The following IL20RB variants were observed in gnomAD, a reference collection of about 807,000 sequenced individuals.
IL20RB encodes interleukin-20 receptor subunit beta.
IL20RB carries 21 observed loss-of-function variants against 33.3 expected under a neutral mutation model. That is an observed-to-expected ratio of 0.63 (90% CI 0.45 to 0.91). The LOEUF (loss-of-function observed/expected upper bound fraction) is 0.91. IL20RB is among the 40% of genes least tolerant of loss of function. The probability of loss-of-function intolerance (pLI) is 0.00; values close to 1 mark genes in which losing one functional copy is unlikely to be tolerated. For missense variants in IL20RB, 345 were observed against 384.8 expected, an observed-to-expected ratio of 0.90 and a Z score of 0.86; for synonymous variants, 147 against 146.8, an observed-to-expected ratio of 1.00 and a Z score of -0.01.
At chr3:136,986,948 G>A (rs2108204697) in intron 3 of IL20RB, among the ~76,000 whole-genome samples, 1 of 152,076 alleles carries the variant, frequency 6.6e-6, no homozygotes, top group South Asian at 2.1e-4. Context: ...CGGCGCGTCT[G>A]GAGTTGTTCG....
intron 6 of IL20RB, among the ~76,000 whole-genome samples, chr3:137,007,387 G>A (rs1942370226): frequency 6.6e-6 from 1 of 152,236 alleles, no homozygotes; most frequent in African/African-American, 2.4e-5. Context: ...GCTATGCCCT[G>A]TCCATAGAGG....
At chr3:136,997,968 C>A (rs746121701) in intron 6 of IL20RB, among the ~76,000 whole-genome samples, 1 of 151,914 alleles carries the variant, frequency 6.6e-6, no homozygotes, top group Non-Finnish European at 1.5e-5. Context: ...CAGGGTTTCA[C>A]CATATTGATC....
rs561728831 is a variant in IL20RB, at chr3:136,988,363, G to A, written c.407-1078G>A. On this transcript the variant is annotated intron_variant, in intron 3 of 6. Transcript: ENST00000329582. ...GGGAAGGTATCCACAAGGGCTGTGG[G>A]CCTCTCTGCTGGGGACCTTGCAATA... is the stretch of plus-strand genomic sequence containing the variant. Among the ~76,000 whole-genome samples the A allele has an allele frequency of 3.9e-5, 6 of 152,308 alleles. No individual in the cohort carries two copies. In the East Asian group the frequency reaches 9.7e-4, roughly 25 times the overall value.
intron 1 of IL20RB, among the ~76,000 whole-genome samples, chr3:136,964,606 A>G (rs1007077483): frequency 1.2e-5 from 1 of 84,078 alleles, no homozygotes; most frequent in Non-Finnish European, 2.2e-5. Context: ...CCTTTGTCAG[A>G]TGAGTAGGTT....
chr3:136,999,970 C>G (rs1942208308), intron 6 of IL20RB, among the ~76,000 whole-genome samples: 1 of 152,034 alleles, frequency 6.6e-6, no homozygotes, highest in South Asian at 2.1e-4. Context: ...CTAATTTCAC[C>G]AGGTGGGTCA....
intron 1 of IL20RB, among the ~76,000 whole-genome samples, chr3:136,961,623 A>G (rs1249408367): frequency 6.6e-6 from 1 of 152,172 alleles, no homozygotes; most frequent in Non-Finnish European, 1.5e-5. Context: ...AACAATTAAC[A>G]TAGTATCCTG....
chr3:136,984,857 G>A (rs996478520), intron 3 of IL20RB, among the ~76,000 whole-genome samples: 11 of 152,210 alleles, frequency 7.2e-5, no homozygotes, highest in Admixed American at 3.3e-4. Context: ...CAGGATCTGG[G>A]GGAGATTAAG....
chr3:136,970,739 G>A (rs1354737462), intron 1 of IL20RB, among the ~76,000 whole-genome samples: 3 of 150,744 alleles, frequency 2.0e-5, no homozygotes, highest in Non-Finnish European at 3.0e-5. Context: ...TGCAACCTCC[G>A]CCTCCCAGGT....
intron 2 of IL20RB, among the ~76,000 whole-genome samples, chr3:136,981,567 T>C (rs1560070102): frequency 6.6e-6 from 1 of 152,170 alleles, no homozygotes; most frequent in African/African-American, 2.4e-5. Context: ...TTATGCCATA[T>C]CTGAAGGACA....
At chr3:137,008,132 T>C (rs1245801612) in intron 6 of IL20RB, among the ~76,000 whole-genome samples, 1 of 152,220 alleles carries the variant, frequency 6.6e-6, no homozygotes, top group Non-Finnish European at 1.5e-5. Flanking sequence ...TGCTGTCACA[T>C]TCTGCTGTAA....
At chr3:137,002,992 A>T (rs528967130) in intron 6 of IL20RB, among the ~76,000 whole-genome samples, 22 of 152,340 alleles carry the variant, frequency 1.4e-4, no homozygotes, top group Admixed American at 2.6e-4. Context: ...ACATATGGCT[A>T]GCCAATTTTC....
chr3:136,987,293 A>G (rs1190465990), intron 3 of IL20RB, among the ~76,000 whole-genome samples: 1 of 151,896 alleles, frequency 6.6e-6, no homozygotes, highest in South Asian at 2.1e-4. Flanking sequence ...CCACCAGATT[A>G]GTTAGATACA....
At chr3:136,973,009 C>T (rs1453262947) in intron 1 of IL20RB, among the ~76,000 whole-genome samples, 1 of 151,990 alleles carries the variant, frequency 6.6e-6, no homozygotes, top group African/African-American at 2.4e-5. Flanking sequence ...TTATTTGTTT[C>T]AAGAAATTTG....
intron 1 of IL20RB, among the ~76,000 whole-genome samples, chr3:136,977,862 T>C (rs1041540296): frequency 6.6e-6 from 1 of 152,166 alleles, no homozygotes; most frequent in Non-Finnish European, 1.5e-5. Flanking sequence ...TGTGGGACTT[T>C]TCTACATGTG....
rs1248382910 is a variant in IL20RB, at chr3:136,995,569, T to C, written c.825+13T>C. The stretch of plus-strand genomic sequence containing the variant: ...CCCAGACACCTTGGTAATAGAGTAG[T>C]TCTTTATTCCTTTCAGTATAACACT... On this transcript the variant is annotated intron_variant, in intron 6 of 6. Coordinates refer to ENST00000329582, the MANE Select transcript of IL20RB (RefSeq NM_144717.4). The C allele has an allele frequency of 6.2e-7, 1 of 1,613,984 alleles. No homozygotes were observed. The highest frequency in any genetic ancestry group is 8.5e-7 in the Non-Finnish European group (1 of 1,179,902).
intron 5 of IL20RB, among the ~76,000 whole-genome samples, chr3:136,995,105 AGTGGTGCCAAGGTAC>A (rs1370885279): frequency 5.9e-5 from 9 of 152,344 alleles, no homozygotes; most frequent in Non-Finnish European, 2.9e-5. Context: ...TCCTCCTGGC[AGTGGTGCCAAGGTAC>A]GTGCTAACAC....
chr3:137,006,587 T>A (rs993945797), intron 6 of IL20RB, among the ~76,000 whole-genome samples: 1 of 152,202 alleles, frequency 6.6e-6, no homozygotes, highest in African/African-American at 2.4e-5. Flanking sequence ...GCATGCGTCA[T>A]GAAGTTCTCG....
intron 1 of IL20RB, among the ~76,000 whole-genome samples, chr3:136,977,599 C>G (rs1941651729): frequency 6.6e-6 from 1 of 152,068 alleles, no homozygotes; most frequent in African/African-American, 2.4e-5. Context: ...AATCTCAACT[C>G]ACTGCAACCT....
rs1225169185 is a variant in IL20RB at position 136,994,868 on chromosome 3, C to T, written c.683-546C>T. On this transcript the variant is annotated intron_variant, in intron 5 of 6. Coordinates refer to ENST00000329582, the MANE Select transcript of IL20RB (RefSeq NM_144717.4). ...AGAACAAGCAACTACACGTCCAGCCCCCAGCATAGTTCTGGAAGGCAGTAG... is the reference window on the plus strand; with the variant it reads ...AGAACAAGCAACTACACGTCCAGCCTCCAGCATAGTTCTGGAAGGCAGTAG... Among the ~76,000 whole-genome samples, 3 of 152,202 alleles carry T rather than the reference C, an allele frequency of 2.0e-5. No individual in the cohort carries two copies. In the East Asian group the frequency reaches 5.8e-4, roughly 29 times the overall value.
Sources: allele counts gnomAD v4.1 joint callset (sites outside exome capture counted in the v4.1 genomes callset), GRCh38; gene constraint gnomAD v4.1.1; transcripts MANE v1.5; gene names NCBI Gene and HGNC (gene_info 2026-07-23, HGNC 2026-07-21).